Variants in PCM1 observed in about 807,000 individuals in gnomAD.
PCM1 encodes the protein pericentriolar material 1, also known as pericentriolar material 1 protein.
A neutral mutation model predicts 241.9 loss-of-function variants in PCM1; 157 were observed. The ratio of observed to expected loss-of-function variants is 0.65; its 90% CI spans 0.57 to 0.74. PCM1 has a LOEUF of 0.74. Among genes scored for constraint, PCM1 ranks in the 30% least tolerant of loss-of-function variants. The pLI is 0.00. For missense variants in PCM1, 3,478 were observed against 2,360.1 expected (o/e 1.47, Z -9.81); for synonymous variants, 1,085 against 784.9 (o/e 1.38, Z -6.39).
chr8:17,990,256 G>A (rs2084083513), intron 27 of PCM1, among the ~76,000 whole-genome samples: 1 of 151,994 alleles, frequency 6.6e-6, no homozygotes, highest in African/African-American at 2.4e-5. Flanking sequence ...TTACTTGCTT[G>A]AGTTCAGAAA....
At chr8:17,993,942 T>G (rs968606129) in intron 29 of PCM1, among the ~76,000 whole-genome samples, 4 of 152,162 alleles carry the variant, frequency 2.6e-5, no homozygotes, top group Admixed American at 2.6e-4. Context: ...ATTTATGGGG[T>G]ACATGAAATA....
chr8:17,959,075 C>T (rs1213365155), intron 13 of PCM1, among the ~76,000 whole-genome samples: 1 of 152,032 alleles, frequency 6.6e-6, no homozygotes, highest in Admixed American at 6.5e-5. Flanking sequence ...ACTGAAGTTG[C>T]TAGGCCTTTT....
Position 17,968,376 on chromosome 8 carries a change from G to A in PCM1, c.3413-1201G>A, listed in dbSNP as rs190701241. 2.0e-4 allele frequency among the ~76,000 whole-genome samples: 30 copies of A among 152,308 alleles called. No homozygotes were observed. In the East Asian group the frequency reaches 5.0e-3, roughly 26 times the overall value. On this transcript the variant is annotated intron_variant, in intron 21 of 38. Coordinates refer to ENST00000325083, the MANE Select transcript of PCM1 (RefSeq NM_006197.4). ...TTTTAGAAAGATTACACTGGTGAAA[G>A]TGTTCGGGAGAAGTTGGAGGAAAGG...
chr8:17,976,804 T>A (rs991197818), intron 23 of PCM1, among the ~76,000 whole-genome samples: 20 of 152,122 alleles, frequency 1.3e-4, no homozygotes, highest in African/African-American at 4.8e-4. Flanking sequence ...AGTCACACAT[T>A]AGTACCTTAA....
rs1221451285 is a variant in PCM1, at chr8:17,966,476, A to G, written c.3221+3A>G. On this transcript the variant is annotated splice_donor_region_variant and intron_variant, in intron 20 of 38. Transcript: ENST00000325083. The stretch of plus-strand genomic sequence containing the variant: ...TGGCAACAGAATAATGTTCAGAGGT[A>G]ATCTGTTTCTTAGAAGTATTGAGAC... 6.2e-7 allele frequency: 1 copy of G among 1,612,884 alleles called. No homozygotes were observed. Among genetic ancestry groups the G allele is most frequent in the African/African-American group, 1.3e-5 (1 of 74,928 alleles).
At chr8:17,957,896 G>T in intron 13 of PCM1, 121 bp downstream of exon 13, 1 of 683,892 alleles carries the variant, frequency 1.5e-6, no homozygotes, top group Middle Eastern at 4.1e-4. Flanking sequence ...TCATATGTGA[G>T]GTTTAAATTT....
chr8:17,997,164 A>G (rs1036410709), intron 29 of PCM1, among the ~76,000 whole-genome samples: 1 of 152,192 alleles, frequency 6.6e-6, no homozygotes, highest in African/African-American at 2.4e-5. Flanking sequence ...TGGATGTACT[A>G]TTCTAGGGTA....
chr8:18,007,861 C>T (rs1207751337), intron 30 of PCM1, among the ~76,000 whole-genome samples: 1 of 152,048 alleles, frequency 6.6e-6, no homozygotes, highest in Non-Finnish European at 1.5e-5. Context: ...GAGGAGCAGG[C>T]ATTGAACATC....
In PCM1 at chr8:18,029,088, T is replaced by C. The variant is rs1324676710; in HGVS notation, c.*1426T>C. The C allele has an allele frequency of 5.9e-6, 1 of 169,380 alleles. No individual in the cohort carries two copies. Among genetic ancestry groups the C allele is most frequent in the Non-Finnish European group, 1.2e-5 (1 of 81,190 alleles). 10.5% of individuals were successfully genotyped at this position (169,380 alleles called of 1,614,324 possible). On this transcript the variant is annotated 3_prime_UTR_variant, in exon 39 of 39. Transcript: ENST00000325083. ...ATAGCCTGAACCCGGGAGGTGGAGG[T>C]TGCAGGTTGCAGTGAGCCGAGATCA...
intron 23 of PCM1, among the ~76,000 whole-genome samples, chr8:17,976,801 C>T (rs1379789445): frequency 6.6e-6 from 1 of 151,904 alleles, no homozygotes; most frequent in African/African-American, 2.4e-5. Flanking sequence ...ATCAGTCACA[C>T]ATTAGTACCT....
At chr8:18,027,294 C>T (rs1309207832) in intron 38 of PCM1, among the ~76,000 whole-genome samples, 2 of 152,214 alleles carry the variant, frequency 1.3e-5, no homozygotes, top group East Asian at 1.9e-4. Context: ...ATGCTTCCAT[C>T]TGCATTGAGC....
Position 17,980,631 on chromosome 8 carries a change from C to G in PCM1, c.3984C>G (p.Cys1328Trp), listed in dbSNP as rs781270897. 3 of 1,612,362 alleles carry G rather than the reference C, an allele frequency of 1.9e-6. No homozygotes were observed. The highest frequency in any genetic ancestry group is 3.3e-5 in the Admixed American group (2 of 59,826). ...GTATGTCTAGCACATGTGAACCTTG[C>G]AAAAGTAGGAACAGACATTCAGCCC... ...SASMSSTCEP[C>W]KSRNRHSAQT... The change falls in exon 24 of 39, where the codon TGC (cysteine) becomes TGG (tryptophan). Residue 1328 changes from cysteine (C) to tryptophan (W), a missense_variant. Coordinates refer to ENST00000325083, the MANE Select transcript of PCM1 (RefSeq NM_006197.4).
chr8:17,939,679 T>C lies in PCM1; in HGVS notation c.613-12T>C. 2 of 1,466,522 alleles carry C rather than the reference T, an allele frequency of 1.4e-6. No individual in the cohort carries two copies. Among genetic ancestry groups the C allele is most frequent in the East Asian group, 2.5e-5 (1 of 40,252 alleles). 90.8% of individuals were successfully genotyped at this position (1,466,522 alleles called of 1,614,324 possible). On this transcript the variant is annotated splice_polypyrimidine_tract_variant and intron_variant, in intron 5 of 38. Transcript: ENST00000325083. The stretch of plus-strand genomic sequence containing the variant: ...TTTCATGCTTTTTTTAAAAAAAATA[T>C]TTCCCCTGCAGATTGTAAGCAGGCT...
intron 2 of PCM1, among the ~76,000 whole-genome samples, chr8:17,930,171 T>G (rs1426624842): frequency 6.6e-6 from 1 of 150,398 alleles, no homozygotes; most frequent in East Asian, 2.0e-4. Context: ...TGGTGTTATC[T>G]GGGTTCACTA....
intron 22 of PCM1, among the ~76,000 whole-genome samples, chr8:17,970,593 C>G (rs920102980): frequency 6.6e-6 from 1 of 151,938 alleles, no homozygotes; most frequent in African/African-American, 2.4e-5. Context: ...TAAAGGTATT[C>G]TGTTGTCAGA....
At chr8:17,975,130 CG>C (rs1179488175) in intron 23 of PCM1, among the ~76,000 whole-genome samples, 2 of 152,010 alleles carry the variant, frequency 1.3e-5, no homozygotes, top group Admixed American at 1.3e-4. Context: ...AAGATATGTA[CG>C]TGAAAGTCTG....
At chr8:17,989,508 C>G (rs937193580) in intron 26 of PCM1, among the ~76,000 whole-genome samples, 8 of 151,976 alleles carry the variant, frequency 5.3e-5, no homozygotes, top group Non-Finnish European at 1.0e-4. Context: ...GTAGAGTAAG[C>G]TACTAGACAT....
chr8:17,970,046 A>G (rs891761928), intron 22 of PCM1, among the ~76,000 whole-genome samples: 3 of 152,154 alleles, frequency 2.0e-5, no homozygotes, highest in African/African-American at 7.2e-5. Flanking sequence ...AGGGCTGGAA[A>G]CTAATATTAA....
intron 6 of PCM1, among the ~76,000 whole-genome samples, 153 bp from the exon 7 acceptor site, chr8:17,947,033 T>C (rs976904440): frequency 6.6e-6 from 1 of 152,194 alleles, no homozygotes; most frequent in Non-Finnish European, 1.5e-5. Flanking sequence ...CATCATTCTG[T>C]TCTTACTCTT....
Sources: gnomAD v4.1 joint callset for allele counts (sites outside exome capture counted in the v4.1 genomes callset) on GRCh38, gnomAD v4.1.1 for gene constraint, MANE v1.5 for transcripts, NCBI Gene and HGNC (gene_info 2026-07-23, HGNC 2026-07-21) for gene names.